The following GRIA2 variants were observed in gnomAD, a reference collection of about 807,000 sequenced individuals.
GRIA2 encodes the protein glutamate receptor 2.
In GRIA2, 14 loss-of-function variants were observed where a neutral mutation model predicts 97.3. The observed-to-expected ratio is 0.14, with a 90% CI of 0.10 to 0.23. The LOEUF is 0.23. Among genes scored for constraint, GRIA2 ranks in the 10% least tolerant of loss-of-function variants. The pLI, the probability that GRIA2 is intolerant of heterozygous loss-of-function variation, is 1.00. For synonymous variants in GRIA2, 412 were observed against 387.8 expected, an observed-to-expected ratio of 1.06 and a Z score of -0.73; for missense variants, 558 against 1,069.8, an observed-to-expected ratio of 0.52 and a Z score of 6.67.
intron 2 of GRIA2, among the ~76,000 whole-genome samples, chr4:157,290,596 T>G (rs890160952): frequency 2.6e-5 from 4 of 151,734 alleles, no homozygotes; most frequent in African/African-American, 9.7e-5. Context: ...CAGGCATATT[T>G]TAGTTTTCCT....
chr4:157,230,666 T>C (rs1449314919), intron 2 of GRIA2, among the ~76,000 whole-genome samples: 1 of 151,940 alleles, frequency 6.6e-6, no homozygotes, highest in Non-Finnish European at 1.5e-5. Flanking sequence ...TCTCTTTCAT[T>C]TGATGTTTGC....
chr4:157,341,434 A>G lies in GRIA2; in HGVS notation c.2015A>G (p.Asp672Gly). 6.2e-7 allele frequency: 1 copy of G among 1,611,490 alleles called. No homozygotes were observed. Among genetic ancestry groups the G allele is most frequent in the Non-Finnish European group, 8.5e-7 (1 of 1,177,848 alleles). Residue 672 changes from aspartate to glycine, a missense_variant, in exon 12 of 16, where the codon GAC (aspartate) becomes GGC (glycine). By Grantham distance (94) the Asp-to-Gly change is moderately conservative. Around this residue, in one of 8 missense-constraint regions of GRIA2, gnomAD observed 125 missense variants for 310.2 expected, o/e 0.40. Coordinates refer to ENST00000264426, the MANE Select transcript of GRIA2 (RefSeq NM_001083619.3). ...ACAGAAATTGCTTATGGAACATTAGACTCTGGCTCCACTAAAGAGTTTTTC... is the reference window on the plus strand; with the variant it reads ...ACAGAAATTGCTTATGGAACATTAGGCTCTGGCTCCACTAAAGAGTTTTTC... ...KQTEIAYGTL[D>G]SGSTKEFFRR...
At chr4:157,331,282 A>AT (rs902318476) in intron 6 of GRIA2, among the ~76,000 whole-genome samples, 14 of 151,778 alleles carry the variant, frequency 9.2e-5, no homozygotes, top group African/African-American at 2.7e-4. Context: ...AGCTAATCAT[A>AT]TTTTTTTTAA....
intron 12 of GRIA2, among the ~76,000 whole-genome samples, chr4:157,352,316 TA>T (rs1188634808): frequency 1.3e-5 from 2 of 152,182 alleles, no homozygotes; most frequent in African/African-American, 4.8e-5. Context: ...TTAGGAAAGG[TA>T]ATCTTTTTGA....
intron 2 of GRIA2, among the ~76,000 whole-genome samples, chr4:157,285,274 G>C (rs925479222): frequency 1.3e-5 from 2 of 151,292 alleles, no homozygotes; most frequent in Non-Finnish European, 3.0e-5. Flanking sequence ...TTTACGTACT[G>C]ATTCATAGTT....
chr4:157,229,474 CA>C (rs1387931212), intron 2 of GRIA2, among the ~76,000 whole-genome samples: 1 of 152,072 alleles, frequency 6.6e-6, no homozygotes, highest in East Asian at 1.9e-4. Flanking sequence ...CTGAATAGAA[CA>C]AATAAATTTA....
At chr4:157,324,455 A>T (rs1355267118) in intron 6 of GRIA2, among the ~76,000 whole-genome samples, 1 of 152,218 alleles carries the variant, frequency 6.6e-6, no homozygotes, top group Admixed American at 6.5e-5. Flanking sequence ...AAAATATGCC[A>T]GTTTCTTGGC....
intron 6 of GRIA2, among the ~76,000 whole-genome samples, chr4:157,324,884 G>A (rs1489505842): frequency 1.3e-5 from 2 of 152,118 alleles, no homozygotes; most frequent in South Asian, 2.1e-4. Context: ...CTTACAGAAA[G>A]GGAGTGAAAT....
chr4:157,243,045 A>G (rs945181439), intron 2 of GRIA2, among the ~76,000 whole-genome samples: 1 of 152,108 alleles, frequency 6.6e-6, no homozygotes, highest in African/African-American at 2.4e-5. Context: ...ATAGATTCCC[A>G]AAAGGACACT....
At chr4:157,330,388 T>G (rs554871340) in intron 6 of GRIA2, among the ~76,000 whole-genome samples, 30 of 152,084 alleles carry the variant, frequency 2.0e-4, no homozygotes, top group Admixed American at 2.0e-3. Flanking sequence ...GTACTTTTTC[T>G]TTGAATATAT....
At chr4:157,333,582 T>G (rs934784762) in intron 8 of GRIA2, among the ~76,000 whole-genome samples, 4 of 152,064 alleles carry the variant, frequency 2.6e-5, no homozygotes, top group African/African-American at 9.7e-5. Context: ...GAACTTTAAT[T>G]TTTTAGACTG....
At chr4:157,233,333 G>A (rs1193771724) in intron 2 of GRIA2, among the ~76,000 whole-genome samples, 2 of 152,052 alleles carry the variant, frequency 1.3e-5, no homozygotes, top group Non-Finnish European at 2.9e-5. Flanking sequence ...TTAGGATGTT[G>A]AACAATTTCA....
chr4:157,352,779 A>T (rs916133212), intron 12 of GRIA2, among the ~76,000 whole-genome samples: 4 of 151,412 alleles, frequency 2.6e-5, no homozygotes, highest in Non-Finnish European at 5.9e-5. Context: ...TAGGCCCGGC[A>T]TGGTGGTGCA....
chr4:157,299,558 A>G (rs1733520588), intron 2 of GRIA2, among the ~76,000 whole-genome samples: 1 of 152,192 alleles, frequency 6.6e-6, no homozygotes, highest in South Asian at 2.1e-4. Context: ...TTTGTTCAGC[A>G]TACAGACTGT....
At chr4:157,315,392 A>AG (rs1734267012) in intron 4 of GRIA2, among the ~76,000 whole-genome samples, 2 of 151,704 alleles carry the variant, frequency 1.3e-5, no homozygotes, top group South Asian at 4.2e-4. Flanking sequence ...AAAAAAAAAA[A>AG]GAAACAATGT....
At chr4:157,308,138 C>T (rs746817040) in intron 3 of GRIA2, among the ~76,000 whole-genome samples, 8 of 152,092 alleles carry the variant, frequency 5.3e-5, no homozygotes, top group Non-Finnish European at 1.0e-4. Flanking sequence ...CCCTGTGTAC[C>T]GGGTGACCTT....
At chr4:157,220,176 A>T (rs1283918131), upstream of GRIA2, 1 of 152,244 alleles carries the variant, frequency 6.6e-6, no homozygotes, top group African/African-American at 2.4e-5. Context: ...CTGTATTGCT[A>T]AATGGGTTTT....
Position 157,341,399 on chromosome 4 carries a change from T to A in GRIA2, c.1980T>A (p.Leu660=). Residue 660 remains leucine (L), a synonymous_variant, in exon 12 of 16, where the codon CTT becomes CTA. Transcript: ENST00000264426. ...CTCCCATCGAAAGTGCTGAGGATCT[T>A]TCTAAGCAAACAGAAATTGCTTATG... ...MVSPIESAED[L]SKQTEIAYGT... 1 of 1,613,056 alleles carries A rather than the reference T, an allele frequency of 6.2e-7. No individual in the cohort carries two copies. The highest frequency in any genetic ancestry group is 8.5e-7 in the Non-Finnish European group (1 of 1,179,178).
intron 2 of GRIA2, among the ~76,000 whole-genome samples, chr4:157,290,969 A>G (rs891673652): frequency 6.6e-6 from 1 of 151,970 alleles, no homozygotes; most frequent in Non-Finnish European, 1.5e-5. Flanking sequence ...ACAGAAGTGC[A>G]TATGTTCTCC....
Sources: gnomAD v4.1 joint callset for allele counts (sites outside exome capture counted in the v4.1 genomes callset) on GRCh38, gnomAD v4.1.1 for gene constraint, gnomAD v4.1.1 regional missense constraint, MANE v1.5 for transcripts, NCBI Gene and HGNC (gene_info 2026-07-23, HGNC 2026-07-21) for gene names.